The following CLIP1 variants were observed in gnomAD, a reference collection of about 807,000 sequenced individuals.
CLIP1 encodes the protein CAP-Gly domain containing linker protein 1.
In CLIP1, 66 loss-of-function variants were observed where a neutral mutation model predicts 161.6. That is an observed-to-expected ratio of 0.41 (90% CI 0.33 to 0.50). The LOEUF is 0.50. CLIP1 is among the 20% of genes least tolerant of loss of function. CLIP1 has a pLI of 0.27. For missense variants in CLIP1, 1,376 were observed against 1,702.0 expected, an observed-to-expected ratio of 0.81 and a Z score of 3.37; for synonymous variants, 598 against 626.2, an observed-to-expected ratio of 0.96 and a Z score of 0.67.
intron 1 of CLIP1, among the ~76,000 whole-genome samples, chr12:122,387,615 T>TAGAAACAAGGTC (rs1955384095): frequency 8.6e-6 from 1 of 116,182 alleles, no homozygotes; most frequent in Non-Finnish European, 1.7e-5. Flanking sequence ...TTTTTTTTTT[T>TAGAAACAAGGTC]TAGAAACAAG....
At chr12:122,358,258 A>C (rs2136535092) in intron 5 of CLIP1, among the ~76,000 whole-genome samples, 1 of 151,486 alleles carries the variant, frequency 6.6e-6, no homozygotes, top group Non-Finnish European at 1.5e-5. Flanking sequence ...GTTAAGAGTC[A>C]TCACCACTCC....
chr12:122,285,250 C>T (rs1290042452), intron 21 of CLIP1, among the ~76,000 whole-genome samples: 2 of 137,636 alleles, frequency 1.5e-5, no homozygotes, highest in Non-Finnish European at 3.1e-5. Context: ...TTTTTTGAGA[C>T]GGAGTCTTGC....
chr12:122,386,965 A>G (rs1252947159), intron 1 of CLIP1, among the ~76,000 whole-genome samples: 1 of 152,056 alleles, frequency 6.6e-6, no homozygotes, highest in Non-Finnish European at 1.5e-5. Context: ...ATCACAGTTC[A>G]CTGCAGCCTC....
chr12:122,381,271 A>G (rs1260377429), intron 1 of CLIP1, among the ~76,000 whole-genome samples: 1 of 152,204 alleles, frequency 6.6e-6, no homozygotes, highest in Non-Finnish European at 1.5e-5. Context: ...TGTATTAGCT[A>G]TATTTTTTAA....
In CLIP1 at chr12:122,397,165, A is replaced by G. The variant is rs1260094871; in HGVS notation, c.-106-16607T>C. Among the ~76,000 whole-genome samples the G allele has an allele frequency of 3.9e-5, 6 of 151,958 alleles. No individual in the cohort carries two copies. The East Asian group carries it at 9.7e-4, about 25-fold the overall frequency. Reference sequence around the variant, plus strand: ...GTGACTGAGTTCTAGCCAGTGGAATAAGTGTGTGAGGCATGTGCCACTCTA... The same window carrying G: ...GTGACTGAGTTCTAGCCAGTGGAATGAGTGTGTGAGGCATGTGCCACTCTA... On this transcript the variant is annotated intron_variant, in intron 1 of 25. Transcript: ENST00000620786.
chr12:122,418,491 G>A (rs1224181594), intron 1 of CLIP1, among the ~76,000 whole-genome samples: 1 of 151,998 alleles, frequency 6.6e-6, no homozygotes, highest in African/African-American at 2.4e-5. Context: ...GGTGGCTCAT[G>A]CCTGTAATCC....
intron 1 of CLIP1, among the ~76,000 whole-genome samples, chr12:122,390,402 C>T (rs1460420050): frequency 2.0e-5 from 3 of 149,764 alleles, no homozygotes; most frequent in African/African-American, 7.4e-5. Context: ...ACCTCCACCT[C>T]CTGGGTTCAA....
chr12:122,374,426 C>G (rs1306504608), intron 3 of CLIP1, among the ~76,000 whole-genome samples: 1 of 151,450 alleles, frequency 6.6e-6, no homozygotes, highest in Non-Finnish European at 1.5e-5. Flanking sequence ...CGAGACCATC[C>G]TGGCTAACAT....
chr12:122,294,154 C>G (rs925356817), intron 20 of CLIP1, among the ~76,000 whole-genome samples: 1 of 151,274 alleles, frequency 6.6e-6, no homozygotes, highest in African/African-American at 2.4e-5. Context: ...TGGTGAAACC[C>G]TGTCTCTACT....
Position 122,360,781 on chromosome 12 carries a change from G to T in CLIP1, c.1005+178C>A. ...AAAGCACTTTCTGATTTCAAAAAAC[G>T]CATTCTTGCTGGAGTTACATTTTTC... On this transcript the variant is annotated intron_variant, in intron 5 of 25. Coordinates refer to ENST00000620786, the MANE Select transcript of CLIP1 (RefSeq NM_001247997.2). 3 of 545,888 alleles carry T rather than the reference G, an allele frequency of 5.5e-6. 1 individual carries two copies. The South Asian group carries it at 9.0e-5, about 16-fold the overall frequency. The allele number at this position is 545,888 out of a possible 1,614,324, so 33.8% of individuals were successfully genotyped here.
chr12:122,318,078 G>C (rs1473359830), intron 18 of CLIP1, among the ~76,000 whole-genome samples: 1 of 152,166 alleles, frequency 6.6e-6, no homozygotes, highest in Non-Finnish European at 1.5e-5. Flanking sequence ...TCTATGTGAA[G>C]TGTTGTTATT....
chr12:122,289,814 T>TTTTTTTTC (rs1956025471), intron 20 of CLIP1, among the ~76,000 whole-genome samples: 1 of 151,244 alleles, frequency 6.6e-6, no homozygotes, highest in Non-Finnish European at 1.5e-5. Flanking sequence ...TGTTTTTTTT[T>TTTTTTTTC]TTTTTTCTTT....
intron 6 of CLIP1, chr12:122,354,894 A>C (rs986439301): frequency 1.7e-6 from 1 of 595,522 alleles, no homozygotes; most frequent in Non-Finnish European, 3.0e-6. Context: ...CCGGACACAA[A>C]GACCAAACAC....
intron 24 of CLIP1, chr12:122,276,382 CCACACACACA>C (rs71082959): frequency 1.3e-5 from 15 of 1,162,060 alleles, no homozygotes; most frequent in Non-Finnish European, 1.7e-5. Flanking sequence ...TAGTGGGAAA[CCACACACACA>C]CACACACACA....
In CLIP1 at chr12:122,316,815, T is replaced by A; in HGVS notation, c.3407A>T (p.Glu1136Val). 1 of 1,594,560 alleles carries A rather than the reference T, an allele frequency of 6.3e-7. No homozygotes were observed. The highest frequency in any genetic ancestry group is 8.5e-7 in the Non-Finnish European group (1 of 1,172,978). Residue 1136 changes from glutamate to valine, a missense_variant, in exon 19 of 26, where the codon GAG becomes GTG. By Grantham distance (121) the Glu-to-Val change is moderately radical. Coordinates refer to ENST00000620786, the MANE Select transcript of CLIP1 (RefSeq NM_001247997.2). ...LKENNLKNVE[E>V]LNKSKELLTV... The stretch of plus-strand genomic sequence containing the variant: ...CAGGAGTTCTTTTGATTTGTTCAGC[T>A]CTTCCACATTTTTCAAGTTGTTTTC...
chr12:122,294,355 A>AAAC (rs1566086009), intron 20 of CLIP1, among the ~76,000 whole-genome samples: 3 of 147,182 alleles, frequency 2.0e-5, no homozygotes, highest in Non-Finnish European at 3.0e-5. Context: ...AAAAAAAAAA[A>AAAC]CCCCAAACTG....
rs192227635 is a variant in CLIP1, at chr12:122,363,062, T to C, written c.782+921A>G. On this transcript the variant is annotated intron_variant, in intron 4 of 25. Coordinates refer to ENST00000620786, the MANE Select transcript of CLIP1 (RefSeq NM_001247997.2). ...TAACTACCACATTTTAATAATCAAG[T>C]GATGCATTAATGTACTGTATACTAC... Among the ~76,000 whole-genome samples, 119 of 152,326 alleles carry C rather than the reference T, an allele frequency of 7.8e-4. No homozygotes were observed. In the Middle Eastern group the frequency reaches 0.02, roughly 26 times the overall value.
chr12:122,308,037 A>G (rs889628366), intron 20 of CLIP1, among the ~76,000 whole-genome samples: 1 of 152,234 alleles, frequency 6.6e-6, no homozygotes, highest in Admixed American at 6.5e-5. Context: ...TTTTAATCAC[A>G]AAACCTTTTC....
At chr12:122,273,831 A>C (rs1159142428) in intron 25 of CLIP1, among the ~76,000 whole-genome samples, 1 of 151,988 alleles carries the variant, frequency 6.6e-6, no homozygotes, top group Non-Finnish European at 1.5e-5. Context: ...TCCAAGGCTC[A>C]AGTAGTTCTC....
Sources: allele counts gnomAD v4.1 joint callset (sites outside exome capture counted in the v4.1 genomes callset), GRCh38; gene constraint gnomAD v4.1.1; transcripts MANE v1.5; gene names NCBI Gene and HGNC (gene_info 2026-07-23, HGNC 2026-07-21).